FGF12: variants seen among roughly 807,000 people sequenced by gnomAD.
FGF12 encodes the protein fibroblast growth factor 12, also known as fibroblast growth factor 12B.
FGF12 carries 14 observed loss-of-function variants against 23.6 expected under a neutral mutation model. That is an observed-to-expected ratio of 0.59 (90% CI 0.39 to 0.93). FGF12 has a LOEUF of 0.93. FGF12 is among the 40% of genes least tolerant of loss of function. FGF12 has a pLI of 0.00. For synonymous variants in FGF12, 62 were observed against 77.3 expected, an observed-to-expected ratio of 0.80 and a Z score of 1.04; for missense variants, 175 against 217.8, an observed-to-expected ratio of 0.80 and a Z score of 1.24.
chr3:192,196,340 C>A lies in FGF12; in HGVS notation c.229-25684G>T, dbSNP rs79673977. ...TACCTTAAAAATTGAGATTTAAAAA[C>A]TAATCTGGGTAAATAGCACATTTTT... On this transcript the variant is annotated intron_variant, in intron 4 of 5. Transcript: ENST00000445105. Among the ~76,000 whole-genome samples, 939 of 152,182 alleles carry A rather than the reference C, an allele frequency of 6.2e-3. 12 individuals are homozygous for A. Among genetic ancestry groups the A allele is most frequent in the East Asian group, 0.032 (164 of 5,174 alleles).
At chr3:192,528,497 G>T (rs116407842) in intron 2 of FGF12, among the ~76,000 whole-genome samples, 3 of 152,060 alleles carry the variant, frequency 2.0e-5, no homozygotes, top group Admixed American at 1.3e-4. Flanking sequence ...CTAGGTACAC[G>T]GTACAACCTG....
At chr3:192,189,046 T>C (rs1452274987) in intron 4 of FGF12, among the ~76,000 whole-genome samples, 2 of 152,144 alleles carry the variant, frequency 1.3e-5, no homozygotes, top group African/African-American at 4.8e-5. Context: ...TAACACAGAT[T>C]TAGGGGAAAC....
intron 2 of FGF12, among the ~76,000 whole-genome samples, chr3:192,718,242 A>C (rs1195430671): frequency 6.8e-6 from 1 of 147,796 alleles, no homozygotes; most frequent in African/African-American, 2.5e-5. Flanking sequence ...CCACCAAATC[A>C]ACTTCACATA....
chr3:192,357,675 C>A (rs146919328), intron 3 of FGF12, among the ~76,000 whole-genome samples: 1 of 152,108 alleles, frequency 6.6e-6, no homozygotes, highest in African/African-American at 2.4e-5. Context: ...GTATTACAGA[C>A]CATTCATTCT....
chr3:192,624,179 C>T (rs1166674670), intron 2 of FGF12, among the ~76,000 whole-genome samples: 6 of 151,196 alleles, frequency 4.0e-5, no homozygotes, highest in Non-Finnish European at 8.8e-5. Context: ...GTAGCAAATG[C>T]GGAACAATCT....
chr3:192,314,819 A>G (rs987063100), intron 4 of FGF12, among the ~76,000 whole-genome samples: 41 of 152,230 alleles, frequency 2.7e-4, no homozygotes, highest in Non-Finnish European at 5.0e-4. Flanking sequence ...TTGACACCTC[A>G]AATTACCCAC....
At chr3:192,350,092 T>C (rs1474865229) in intron 3 of FGF12, among the ~76,000 whole-genome samples, 1 of 152,136 alleles carries the variant, frequency 6.6e-6, no homozygotes, top group Non-Finnish European at 1.5e-5. Context: ...TACTCATTAT[T>C]AAGAATTTAT....
At chr3:192,654,723 C>T (rs1490589521) in intron 2 of FGF12, among the ~76,000 whole-genome samples, 1 of 152,202 alleles carries the variant, frequency 6.6e-6, no homozygotes, top group African/African-American at 2.4e-5. Flanking sequence ...TTTCCCCACA[C>T]CACCCTGCAT....
intron 2 of FGF12, among the ~76,000 whole-genome samples, chr3:192,452,857 T>C (rs1722567815): frequency 6.6e-6 from 1 of 152,246 alleles, no homozygotes; most frequent in African/African-American, 2.4e-5. Context: ...GATCTCTTTT[T>C]CTTTGGTGTT....
At chr3:192,436,500 G>A (rs1318607862) in intron 2 of FGF12, among the ~76,000 whole-genome samples, 5 of 152,236 alleles carry the variant, frequency 3.3e-5, no homozygotes, top group African/African-American at 1.2e-4. Flanking sequence ...CTGATGTGGG[G>A]CCCACAATTG....
chr3:192,596,117 T>TATAAC (rs1553836840), intron 2 of FGF12, among the ~76,000 whole-genome samples: 88 of 143,070 alleles, frequency 6.2e-4, no homozygotes, highest in African/African-American at 2.1e-3. Flanking sequence ...TATAATATAA[T>TATAAC]ATAATATAAT....
At chr3:192,624,196 TA>T (rs1031962616) in intron 2 of FGF12, among the ~76,000 whole-genome samples, 63 of 144,256 alleles carry the variant, frequency 4.4e-4, no homozygotes, top group African/African-American at 6.6e-4. Context: ...ATCTCTTAGA[TA>T]AAAAAAAAAA....
At chr3:192,179,194 C>G (rs1383992987) in intron 4 of FGF12, among the ~76,000 whole-genome samples, 1 of 151,922 alleles carries the variant, frequency 6.6e-6, no homozygotes, top group African/African-American at 2.4e-5. Context: ...ATTGCTTTGA[C>G]TAGAACAAGT....
intron 2 of FGF12, among the ~76,000 whole-genome samples, chr3:192,659,024 G>A (rs1716552114): frequency 1.3e-5 from 2 of 152,170 alleles, no homozygotes; most frequent in South Asian, 4.1e-4. Context: ...GCCTTGAGTG[G>A]ATCATGGGAC....
chr3:192,249,775 G>A (rs1225881655), intron 4 of FGF12, among the ~76,000 whole-genome samples: 1 of 152,180 alleles, frequency 6.6e-6, no homozygotes, highest in Non-Finnish European at 1.5e-5. Flanking sequence ...GGAGAGGCAT[G>A]TGAGGTGACC....
At chr3:192,545,046 G>A (rs929727916) in intron 2 of FGF12, among the ~76,000 whole-genome samples, 2 of 152,042 alleles carry the variant, frequency 1.3e-5, no homozygotes, top group Non-Finnish European at 2.9e-5. Flanking sequence ...AAAGACTCAC[G>A]CAAGATCAAC....
At chr3:192,498,069 C>G (rs998862143) in intron 2 of FGF12, among the ~76,000 whole-genome samples, 6 of 152,200 alleles carry the variant, frequency 3.9e-5, no homozygotes, top group African/African-American at 1.2e-4. Flanking sequence ...CACATTTTCC[C>G]TTTTACTTAA....
chr3:192,207,856 C>T (rs563298678), intron 4 of FGF12, among the ~76,000 whole-genome samples: 6 of 152,292 alleles, frequency 3.9e-5, no homozygotes, highest in African/African-American at 1.4e-4. Context: ...GGCTCCCTGC[C>T]ACCATTTCAG....
chr3:192,534,206 T>TATAGC (rs1298242355), intron 2 of FGF12: 3 of 152,202 alleles, frequency 2.0e-5, no homozygotes, highest in Non-Finnish European at 4.4e-5. Context: ...GTATAAGCAG[T>TATAGC]ATAGCTGCTA....
Sources: allele counts gnomAD v4.1 joint callset (sites outside exome capture counted in the v4.1 genomes callset), GRCh38; gene constraint gnomAD v4.1.1; transcripts MANE v1.5; gene names NCBI Gene and HGNC (gene_info 2026-07-23, HGNC 2026-07-21).